Variants in DPYD observed in about 807,000 individuals in gnomAD.
The protein encoded by DPYD is dihydropyrimidine dehydrogenase, also known as dihydropyrimidine dehydrogenase [NADP(+)].
Under a neutral mutation model 116.2 loss-of-function variants are expected in DPYD, and 109 were observed. That is an observed-to-expected ratio of 0.94 (90% CI 0.80 to 1.10). The LOEUF (loss-of-function observed/expected upper bound fraction) is 1.10. Among genes scored for constraint, DPYD ranks in the 50% least tolerant of loss-of-function variants. The pLI, the probability that DPYD is intolerant of heterozygous loss-of-function variation, is 0.00. For missense variants in DPYD, 1,302 were observed against 1,254.5 expected (o/e 1.04, Z -0.57); for synonymous variants, 440 against 432.0 (o/e 1.02, Z -0.23).
At chr1:97,343,114 G>A (rs1367640638) in intron 16 of DPYD, among the ~76,000 whole-genome samples, 1 of 152,096 alleles carries the variant, frequency 6.6e-6, no homozygotes, top group South Asian at 2.1e-4. Flanking sequence ...TTGTATGTGT[G>A]TGTTTAATTG....
Position 97,593,396 on chromosome 1 carries a change from T to C in DPYD, c.959-9A>G. Reference sequence around the variant, plus strand: ...GTGACAGGCGCACATTCCTGAATGATGAAAGGAAAACCCCATTTTCAAGTA... The same window carrying C: ...GTGACAGGCGCACATTCCTGAATGACGAAAGGAAAACCCCATTTTCAAGTA... On this transcript the variant is annotated splice_polypyrimidine_tract_variant and intron_variant, in intron 9 of 22. Coordinates refer to ENST00000370192, the MANE Select transcript of DPYD (RefSeq NM_000110.4). 1 of 1,613,836 alleles carries C rather than the reference T, an allele frequency of 6.2e-7. No individual in the cohort carries two copies. The highest frequency in any genetic ancestry group is 8.5e-7 in the Non-Finnish European group (1 of 1,180,000).
In DPYD at chr1:97,405,488, T is replaced by G. The variant is rs189537321; in HGVS notation, c.1906-23027A>C. Reference sequence around the variant, plus strand: ...TTCTACATTGGTGAGTTTTTTTCTCTGAATACTTTATTTATTTATTTATTT... The same window carrying G: ...TTCTACATTGGTGAGTTTTTTTCTCGGAATACTTTATTTATTTATTTATTT... On this transcript the variant is annotated intron_variant, in intron 14 of 22. Coordinates refer to ENST00000370192, the MANE Select transcript of DPYD (RefSeq NM_000110.4). Among the ~76,000 whole-genome samples the G allele has an allele frequency of 2.1e-3, 324 of 152,174 alleles. 1 individual carries two copies. The highest frequency in any genetic ancestry group is 7.5e-3 in the African/African-American group (311 of 41,548).
chr1:97,606,813 C>A (rs754028024), intron 8 of DPYD, among the ~76,000 whole-genome samples: 1 of 151,758 alleles, frequency 6.6e-6, no homozygotes, highest in Non-Finnish European at 1.5e-5. Context: ...TGCATAAATC[C>A]AGATAAGAAA....
At chr1:97,843,567 G>A (rs1311831723) in intron 2 of DPYD, among the ~76,000 whole-genome samples, 1 of 152,042 alleles carries the variant, frequency 6.6e-6, no homozygotes, top group Non-Finnish European at 1.5e-5. Context: ...TGTGAACTTG[G>A]TTTTCTTTAA....
intron 7 of DPYD, among the ~76,000 whole-genome samples, chr1:97,682,321 A>G (rs900243429): frequency 5.3e-5 from 8 of 151,866 alleles, no homozygotes; most frequent in Non-Finnish European, 1.2e-4. Context: ...TGTGGGAAAG[A>G]TGGAGGATGG....
chr1:97,811,556 TAAAG>T (rs1668350825), intron 3 of DPYD, among the ~76,000 whole-genome samples: 1 of 152,128 alleles, frequency 6.6e-6, no homozygotes, highest in Non-Finnish European at 1.5e-5. Flanking sequence ...CCCTCTTTCT[TAAAG>T]AAAACCTCTA....
chr1:97,285,080 C>T (rs960124808), intron 18 of DPYD, among the ~76,000 whole-genome samples: 4 of 152,150 alleles, frequency 2.6e-5, no homozygotes, highest in African/African-American at 9.7e-5. Flanking sequence ...TTTTATGGGA[C>T]TCTACAAGAC....
intron 12 of DPYD, among the ~76,000 whole-genome samples, chr1:97,518,009 C>T (rs539087817): frequency 6.6e-6 from 1 of 152,196 alleles, no homozygotes; most frequent in East Asian, 1.9e-4. Context: ...ATGTGTAGTT[C>T]AACTTGCATT....
chr1:97,397,061 G>T (rs962545064), intron 14 of DPYD, among the ~76,000 whole-genome samples: 1 of 151,896 alleles, frequency 6.6e-6, no homozygotes, highest in Non-Finnish European at 1.5e-5. Flanking sequence ...TTATCATTTG[G>T]TGCAGGATTG....
At position 97,546,169 on chromosome 1, in the gene DPYD, C is replaced by A. The variant is rs139710202; in HGVS notation, c.1524+3391G>T. On this transcript the variant is annotated intron_variant, in intron 12 of 22. Transcript: ENST00000370192. ...TTCTGTGCTGCAGAGGAACAGCCAG[C>A]AGAAGATGGGCAGGGTGAAACTAAC... 76 of 1,447,156 alleles carry A rather than the reference C, an allele frequency of 5.3e-5. No individual in the cohort carries two copies. The African/African-American group carries it at 7.7e-4, about 15-fold the overall frequency. 89.6% of individuals were successfully genotyped at this position (1,447,156 alleles called of 1,614,324 possible).
chr1:97,312,593 A>G (rs1311300848), intron 16 of DPYD, among the ~76,000 whole-genome samples: 5 of 151,890 alleles, frequency 3.3e-5, no homozygotes, highest in Non-Finnish European at 5.9e-5. Flanking sequence ...ATCTTTGTAA[A>G]CTGACATGGA....
intron 14 of DPYD, among the ~76,000 whole-genome samples, chr1:97,416,188 T>C (rs1409771319): frequency 6.6e-6 from 1 of 152,166 alleles, no homozygotes; most frequent in African/African-American, 2.4e-5. Flanking sequence ...GAATCCTTTA[T>C]AAAAAGGGCA....
intron 16 of DPYD, among the ~76,000 whole-genome samples, chr1:97,339,822 G>A (rs1558041050): frequency 6.6e-6 from 1 of 152,236 alleles, no homozygotes; most frequent in East Asian, 1.9e-4. Flanking sequence ...TTGTGTGTGT[G>A]TTTAATTAAA....
chr1:97,759,815 A>G (rs1359893225), intron 3 of DPYD, among the ~76,000 whole-genome samples: 3 of 152,186 alleles, frequency 2.0e-5, no homozygotes, highest in African/African-American at 7.2e-5. Flanking sequence ...GACAAACACT[A>G]TACTATGCAC....
chr1:97,778,545 C>A (rs1666553506), intron 3 of DPYD, among the ~76,000 whole-genome samples: 1 of 152,098 alleles, frequency 6.6e-6, no homozygotes, highest in Admixed American at 6.6e-5. Context: ...CAAAATACTT[C>A]TGCATTCAAT....
At chr1:97,397,201 GA>G (rs978922102) in intron 14 of DPYD, among the ~76,000 whole-genome samples, 29 of 152,094 alleles carry the variant, frequency 1.9e-4, no homozygotes, top group African/African-American at 7.0e-4. Context: ...GTGCATGCAG[GA>G]AACTACCATG....
intron 3 of DPYD, among the ~76,000 whole-genome samples, chr1:97,753,881 A>C (rs1401140904): frequency 6.6e-6 from 1 of 152,096 alleles, no homozygotes; most frequent in African/African-American, 2.4e-5. Context: ...TTTGACTCTA[A>C]ACTAATTATG....
intron 11 of DPYD, among the ~76,000 whole-genome samples, chr1:97,565,036 T>C (rs1429747799): frequency 2.6e-5 from 4 of 152,052 alleles, no homozygotes; most frequent in Non-Finnish European, 5.9e-5. Context: ...GCATATATAA[T>C]CCACCCTGGT....
intron 19 of DPYD, among the ~76,000 whole-genome samples, chr1:97,196,205 T>A (rs2101832941): frequency 6.6e-6 from 1 of 152,110 alleles, no homozygotes; most frequent in East Asian, 1.9e-4. Flanking sequence ...GCTCAAGCAA[T>A]CCTCTCACCT....
Sources: allele counts gnomAD v4.1 joint callset (sites outside exome capture counted in the v4.1 genomes callset), GRCh38; gene constraint gnomAD v4.1.1; transcripts MANE v1.5; gene names NCBI Gene and HGNC (gene_info 2026-07-23, HGNC 2026-07-21).